The following VPS13D variants were observed in gnomAD, a reference collection of about 807,000 sequenced individuals.
The protein encoded by VPS13D is vacuolar protein sorting 13 homolog D, also known as intermembrane lipid transfer protein VPS13D.
Under a neutral mutation model 461.9 loss-of-function variants are expected in VPS13D, and 187 were observed. The observed-to-expected ratio is 0.40, with a 90% CI of 0.36 to 0.46. VPS13D has a LOEUF of 0.46. Among genes scored for constraint, VPS13D ranks in the 20% least tolerant of loss-of-function variants. The pLI is 0.60. For missense variants in VPS13D, 4,711 were observed against 5,364.9 expected, an observed-to-expected ratio of 0.88 and a Z score of 3.81; for synonymous variants, 1,951 against 1,986.3, an observed-to-expected ratio of 0.98 and a Z score of 0.47.
At chr1:12,428,427 G>A (rs868685031) in intron 65 of VPS13D, among the ~76,000 whole-genome samples, 3 of 152,304 alleles carry the variant, frequency 2.0e-5, no homozygotes, top group Non-Finnish European at 2.9e-5. Flanking sequence ...TTCTAGTTAG[G>A]CACATAAGGA....
At chr1:12,389,924 T>C (rs1398783374) in intron 60 of VPS13D, among the ~76,000 whole-genome samples, 1 of 152,214 alleles carries the variant, frequency 6.6e-6, no homozygotes, top group Admixed American at 6.5e-5. Context: ...CTTACCTCCA[T>C]TGTGGAGTAG....
intron 49 of VPS13D, 133 bp from the exon 50 acceptor site, chr1:12,358,326 A>G: frequency 2.4e-6 from 3 of 1,228,202 alleles, no homozygotes; most frequent in Non-Finnish European, 3.4e-6. Flanking sequence ...AGGGAATCAC[A>G]TGAGAGTGAG....
chr1:12,349,146 C>T lies in VPS13D; in HGVS notation c.9221-18C>T, dbSNP rs754854427. The T allele has an allele frequency of 6.2e-7, 1 of 1,613,004 alleles. No individual in the cohort carries two copies. The highest frequency in any genetic ancestry group is 8.5e-7 in the Non-Finnish European group (1 of 1,180,014). On this transcript the variant is annotated intron_variant, in intron 45 of 69. Coordinates refer to ENST00000620676, the MANE Select transcript of VPS13D (RefSeq NM_015378.4). ...GAGGACCATTGCCTGAAAGTGTTAA[C>T]CCTTATTTCTGTGGCAGAGCCAGTG... is the stretch of plus-strand genomic sequence containing the variant.
intron 65 of VPS13D, among the ~76,000 whole-genome samples, chr1:12,445,834 C>T (rs959532458): frequency 9.2e-5 from 14 of 152,182 alleles, no homozygotes; most frequent in African/African-American, 3.4e-4. Context: ...CCTCCCATTC[C>T]CATTCTACCT....
chr1:12,267,926 T>C lies in VPS13D; in HGVS notation c.1801+6T>C, dbSNP rs1641321214. ...CAGAAGTGATCATTACCCAGGTAAT[T>C]TGTCCTATGTTGTTTTTTTAAAATT... On this transcript the variant is annotated splice_donor_region_variant and intron_variant, in intron 15 of 69. Coordinates refer to ENST00000620676, the MANE Select transcript of VPS13D (RefSeq NM_015378.4). 1 of 1,596,436 alleles carries C rather than the reference T, an allele frequency of 6.3e-7. No homozygotes were observed. The highest frequency in any genetic ancestry group is 8.5e-7 in the Non-Finnish European group (1 of 1,174,300).
In VPS13D at chr1:12,327,663, C is replaced by A; in HGVS notation, c.8006C>A (p.Ala2669Glu). ...TTCTTTGAAGGCCAATTGAAAAAGG[C>A]AGCAAGTTGGTTGTTTAAGAATGCG... ...LLACQGQLKK[A>E]ASWLFKNAEP... Residue 2669 changes from alanine to glutamate, a missense_variant, in exon 36 of 70, where the codon GCA becomes GAA. Ala to Glu is a moderately radical substitution (Grantham distance 107). Transcript: ENST00000620676. 4 of 1,614,064 alleles carry A rather than the reference C, an allele frequency of 2.5e-6. No homozygotes were observed. The highest frequency in any genetic ancestry group is 4.5e-5 in the East Asian group (2 of 44,882).
chr1:12,379,542 G>A lies in VPS13D; in HGVS notation c.11136G>A (p.Thr3712=), dbSNP rs761417227. 3.7e-6 allele frequency: 6 copies of A among 1,613,482 alleles called. No individual in the cohort carries two copies. The highest frequency in any genetic ancestry group is 2.2e-5 in the East Asian group (1 of 44,838). ...ACCGCAGGCGAAGCACAACTCAGAC[G>A]TGGAGTTTCCGAGAAGGAAAACTGA... ...KPDRRRSTTQ[T]WSFREGKLTC... is the part of the protein sequence containing the mutation. Residue 3712 remains threonine (T), a synonymous_variant, in exon 57 of 70, where the codon ACG becomes ACA. Transcript: ENST00000620676.
At chr1:12,298,623 C>A (rs1406005053) in intron 24 of VPS13D, among the ~76,000 whole-genome samples, 4 of 149,368 alleles carry the variant, frequency 2.7e-5, no homozygotes, top group African/African-American at 9.9e-5. Context: ...GCCTGGGCAA[C>A]ACAGCAAGAC....
At chr1:12,393,770 A>C (rs1644459753) in intron 60 of VPS13D, among the ~76,000 whole-genome samples, 1 of 152,158 alleles carries the variant, frequency 6.6e-6, no homozygotes, top group Non-Finnish European at 1.5e-5. Context: ...TCACCCTACC[A>C]GTCAAGGAGC....
chr1:12,303,638 T>C (rs1642483503), intron 25 of VPS13D, among the ~76,000 whole-genome samples: 1 of 152,200 alleles, frequency 6.6e-6, no homozygotes, highest in Non-Finnish European at 1.5e-5. Flanking sequence ...AGCAGTGTTT[T>C]TGTATTCTTT....
rs368698082 is a variant in VPS13D at position 12,469,213 on chromosome 1, G to A, written c.12662+8817G>A. On this transcript the variant is annotated intron_variant, in intron 67 of 69. Transcript: ENST00000620676. ...TTTAGAACAGAGGGTCTCAAAATAC[G>A]GTCTAGGGACCCCCTGCGGAACCCC... is the stretch of plus-strand genomic sequence containing the variant. Among the ~76,000 whole-genome samples, 90 of 152,118 alleles carry A rather than the reference G, an allele frequency of 5.9e-4. 1 individual carries two copies. The South Asian group carries it at 0.018, about 30-fold the overall frequency.
chr1:12,305,823 A>T (rs1349039610), intron 26 of VPS13D, among the ~76,000 whole-genome samples: 1 of 152,126 alleles, frequency 6.6e-6, no homozygotes, highest in Non-Finnish European at 1.5e-5. Flanking sequence ...GTGACAGGAA[A>T]GTGGTTTTAA....
chr1:12,244,299 C>T lies in VPS13D; in HGVS notation c.229C>T (p.Pro77Ser), dbSNP rs1176022849. 6.2e-7 allele frequency: 1 copy of T among 1,614,042 alleles called. No individual in the cohort carries two copies. Among genetic ancestry groups the T allele is most frequent in the Non-Finnish European group, 8.5e-7 (1 of 1,179,976 alleles). The change falls in exon 4 of 70, where the codon CCT (proline) becomes TCT (serine). Residue 77 changes from proline (P) to serine (S), a missense_variant. Pro to Ser is a moderately conservative substitution (Grantham distance 74). Coordinates refer to ENST00000620676, the MANE Select transcript of VPS13D (RefSeq NM_015378.4). ...QIPFYRPHVD[P>S]WVISISSLHL... ...TCCCTTTTATCGCCCCCATGTGGAC[C>T]CTTGGGTGATCTCCATCTCCAGCCT...
chr1:12,498,692 G>A (rs1434946778), intron 68 of VPS13D, among the ~76,000 whole-genome samples: 1 of 152,164 alleles, frequency 6.6e-6, no homozygotes, highest in Non-Finnish European at 1.5e-5. Context: ...TCTTCTCACA[G>A]TTCTAAAGGC....
Position 12,261,080 on chromosome 1 carries a change from C to T in VPS13D, c.1345C>T (p.Pro449Ser), listed in dbSNP as rs766877176. 27 of 1,613,830 alleles carry T rather than the reference C, an allele frequency of 1.7e-5. No individual in the cohort carries two copies. In the East Asian group the frequency reaches 6.0e-4, roughly 36 times the overall value. ...GWGGWYGQQTPEGNVVEGLSA... is the reference protein window; with the variant it reads ...GWGGWYGQQTSEGNVVEGLSA... ...GGGTGGCTGGTACGGGCAGCAGACCCCAGAAGGGAATGTGGTTGAGGGACT... is the reference window on the plus strand; with the variant it reads ...GGGTGGCTGGTACGGGCAGCAGACCTCAGAAGGGAATGTGGTTGAGGGACT... The change falls in exon 12 of 70, where the codon CCA becomes TCA. Residue 449 changes from proline to serine, a missense_variant. This residue lies in a region of VPS13D where 4,411 missense variants were observed against 4,937.8 expected (regional missense o/e 0.89). Transcript: ENST00000620676.
intron 33 of VPS13D, 93 bp from the exon 34 acceptor site, chr1:12,322,443 T>C: frequency 7.8e-7 from 1 of 1,285,080 alleles, no homozygotes; most frequent in Non-Finnish European, 1.1e-6. Context: ...TGTTGGACTT[T>C]TAGAAGTTGA....
intron 56 of VPS13D, among the ~76,000 whole-genome samples, chr1:12,379,152 C>T (rs1217328128): frequency 6.6e-6 from 1 of 152,134 alleles, no homozygotes; most frequent in Non-Finnish European, 1.5e-5. Flanking sequence ...AGAAAAAAGA[C>T]TGTTGGAAAG....
chr1:12,323,571 G>C (rs1643100714), intron 34 of VPS13D, 135 bp from the exon 35 acceptor site: 4 of 744,122 alleles, frequency 5.4e-6, no homozygotes, highest in Non-Finnish European at 8.7e-6. Flanking sequence ...CTCCAATTAG[G>C]AGTCCAGTTT....
chr1:12,292,405 A>G (rs1213436074), intron 23 of VPS13D, among the ~76,000 whole-genome samples: 3 of 122,252 alleles, frequency 2.5e-5, no homozygotes, highest in East Asian at 5.1e-4. Flanking sequence ...ACATATTCTG[A>G]TTTAATTGGT....
Sources: allele counts gnomAD v4.1 joint callset (sites outside exome capture counted in the v4.1 genomes callset), GRCh38; gene constraint gnomAD v4.1.1; regional missense constraint gnomAD v4.1.1; transcripts MANE v1.5; gene names NCBI Gene and HGNC (gene_info 2026-07-23, HGNC 2026-07-21).